Variants in NARS2 observed in about 807,000 individuals in gnomAD.
NARS2 encodes asparaginyl-tRNA synthetase 2, mitochondrial, also known as asparaginyl-tRNA synthetase.
Under a neutral mutation model 62.9 loss-of-function variants are expected in NARS2, and 60 were observed. That is an observed-to-expected ratio of 0.95 (90% CI 0.77 to 1.18). NARS2 has a LOEUF of 1.18. Ranked by LOEUF, NARS2 falls within the 50% of genes most tolerant of loss-of-function variation. The pLI is 0.00. For missense variants in NARS2, 619 were observed against 576.4 expected, an observed-to-expected ratio of 1.07 and a Z score of -0.76; for synonymous variants, 196 against 200.0, an observed-to-expected ratio of 0.98 and a Z score of 0.17.
At position 78,492,932 on chromosome 11, in the gene NARS2, G is replaced by A; in HGVS notation, c.822+131C>T. The A allele has an allele frequency of 5.6e-6, 4 of 709,266 alleles. No individual in the cohort carries two copies. The Middle Eastern group carries it at 9.1e-4, about 162-fold the overall frequency. The allele number at this position is 709,266 out of a possible 1,614,324, so 43.9% of individuals were successfully genotyped here. A position where few individuals can be genotyped will look rare whatever the true frequency, so the allele number is the denominator to read the frequency against. On this transcript the variant is annotated intron_variant, in intron 7 of 13. Transcript: ENST00000281038. Reference sequence around the variant, plus strand: ...CTATTACAGTAAAGGCATTCAATAAGTGTTTATTAAGTAGTTACCCCTTCT... The same window carrying A: ...CTATTACAGTAAAGGCATTCAATAAATGTTTATTAAGTAGTTACCCCTTCT...
chr11:78,538,622 C>T (rs944575305), intron 5 of NARS2, among the ~76,000 whole-genome samples: 1 of 152,010 alleles, frequency 6.6e-6, no homozygotes, highest in Non-Finnish European at 1.5e-5. Flanking sequence ...GAGATCAGTA[C>T]GTGGGAAGGG....
intron 6 of NARS2, among the ~76,000 whole-genome samples, chr11:78,517,862 T>C (rs1860969673): frequency 6.6e-6 from 1 of 152,232 alleles, no homozygotes; most frequent in South Asian, 2.1e-4. Context: ...TTCATATTTC[T>C]ATCCACACAG....
chr11:78,473,840 T>C (rs1023628673), intron 9 of NARS2, among the ~76,000 whole-genome samples: 2 of 152,204 alleles, frequency 1.3e-5, no homozygotes, highest in African/African-American at 4.8e-5. Context: ...AGTTCTAGCT[T>C]TGTGTGTATA....
At chr11:78,463,569 C>T (rs569815099) in intron 11 of NARS2, among the ~76,000 whole-genome samples, 32 of 152,000 alleles carry the variant, frequency 2.1e-4, no homozygotes, top group Admixed American at 3.9e-4. Flanking sequence ...GCCTATAATC[C>T]CAGCTACTTG....
chr11:78,548,808 T>G (rs1855977005), intron 5 of NARS2, among the ~76,000 whole-genome samples: 1 of 152,232 alleles, frequency 6.6e-6, no homozygotes, highest in Non-Finnish European at 1.5e-5. Context: ...AAATTTTTTT[T>G]TAATCCAACC....
intron 7 of NARS2, among the ~76,000 whole-genome samples, chr11:78,489,639 C>G (rs1056943738): frequency 6.6e-6 from 1 of 152,136 alleles, no homozygotes; most frequent in African/African-American, 2.4e-5. Flanking sequence ...AAACCAATCC[C>G]TTCTGGATAC....
chr11:78,524,186 C>T (rs1468268931), intron 6 of NARS2, among the ~76,000 whole-genome samples: 3 of 151,940 alleles, frequency 2.0e-5, no homozygotes, highest in Non-Finnish European at 4.4e-5. Context: ...GACTATTTTT[C>T]TTGGTATACT....
At chr11:78,568,223 A>T (rs1224681037) in intron 3 of NARS2, among the ~76,000 whole-genome samples, 1 of 152,190 alleles carries the variant, frequency 6.6e-6, no homozygotes, top group Non-Finnish European at 1.5e-5. Context: ...CCACTGAGGA[A>T]CTGGATTTTT....
At chr11:78,535,708 C>T (rs779352498) in intron 5 of NARS2, among the ~76,000 whole-genome samples, 83 of 152,014 alleles carry the variant, frequency 5.5e-4, no homozygotes, top group Admixed American at 9.8e-4. Flanking sequence ...CAGCTCACCA[C>T]AACCTCTGCC....
At chr11:78,441,958 T>G (rs547417093) in intron 12 of NARS2, among the ~76,000 whole-genome samples, 2 of 152,164 alleles carry the variant, frequency 1.3e-5, no homozygotes, top group African/African-American at 4.8e-5. Context: ...TGGACCACAG[T>G]GCATCTAATG....
chr11:78,519,125 A>C (rs1590806635), intron 6 of NARS2, among the ~76,000 whole-genome samples: 3 of 152,362 alleles, frequency 2.0e-5, no homozygotes, highest in Non-Finnish European at 2.9e-5. Context: ...AGTCAGTTTC[A>C]CACCCAATTG....
intron 11 of NARS2, among the ~76,000 whole-genome samples, chr11:78,453,409 CTT>C (rs1334977028): frequency 1.3e-5 from 2 of 152,014 alleles, no homozygotes; most frequent in Admixed American, 1.3e-4. Context: ...CCTTCTGACT[CTT>C]TGATTCCAAT....
intron 11 of NARS2, among the ~76,000 whole-genome samples, chr11:78,445,851 T>G (rs1857741964): frequency 6.6e-6 from 1 of 152,092 alleles, no homozygotes; most frequent in South Asian, 2.1e-4. Flanking sequence ...TCCCGGCTAC[T>G]TGTCAAACTG....
intron 1 of NARS2, 54 bp downstream of exon 1, chr11:78,574,294 G>A (rs1857036377): frequency 1.9e-6 from 3 of 1,605,856 alleles, no homozygotes; most frequent in Non-Finnish European, 2.6e-6. Flanking sequence ...AGATGTGGAT[G>A]TGCCATATAA....
At chr11:78,438,511 AT>A (rs1857480397) in intron 13 of NARS2, among the ~76,000 whole-genome samples, 1 of 152,322 alleles carries the variant, frequency 6.6e-6, no homozygotes, top group African/African-American at 2.4e-5. Flanking sequence ...ATGGGTCTAA[AT>A]TTCTCATACA....
chr11:78,548,833 G>C (rs1382003244), intron 5 of NARS2, among the ~76,000 whole-genome samples: 3 of 152,066 alleles, frequency 2.0e-5, no homozygotes, highest in African/African-American at 7.2e-5. Context: ...AAAGTCTCTA[G>C]AAATCGTCTT....
At chr11:78,441,002 AT>A (rs1426833728) in intron 13 of NARS2, 88 bp downstream of exon 13, 26 of 1,161,024 alleles carry the variant, frequency 2.2e-5, no homozygotes, top group Non-Finnish European at 1.9e-5. Context: ...ACACTCTTTC[AT>A]GGGGTCTTGG....
chr11:78,537,781 G>C (rs1160619680), intron 5 of NARS2, among the ~76,000 whole-genome samples: 1 of 152,232 alleles, frequency 6.6e-6, no homozygotes. Flanking sequence ...CTTGGCAACA[G>C]AGCAAGATCT....
chr11:78,458,742 T>C (rs1353261914), intron 11 of NARS2, among the ~76,000 whole-genome samples: 2 of 152,304 alleles, frequency 1.3e-5, no homozygotes, highest in Admixed American at 6.5e-5. Context: ...AATATACCGA[T>C]GAATGAAAAA....
Sources: gnomAD v4.1 joint callset for allele counts (sites outside exome capture counted in the v4.1 genomes callset) on GRCh38, gnomAD v4.1.1 for gene constraint, MANE v1.5 for transcripts, NCBI Gene and HGNC (gene_info 2026-07-23, HGNC 2026-07-21) for gene names.